Variants in SNX4 observed in about 807,000 individuals in gnomAD.
SNX4 encodes sorting nexin-4.
SNX4 carries 49 observed loss-of-function variants against 70.8 expected under a neutral mutation model. The ratio of observed to expected loss-of-function variants is 0.69; its 90% CI spans 0.55 to 0.88. The LOEUF is 0.88. SNX4 is among the 40% of genes least tolerant of loss of function. The pLI, the probability that SNX4 is intolerant of heterozygous loss-of-function variation, is 0.00. For missense variants in SNX4, 528 were observed against 544.8 expected (o/e 0.97, Z 0.31); for synonymous variants, 206 against 183.8 (o/e 1.12, Z -0.98).
chr3:125,493,396 G>A (rs1266512843), intron 5 of SNX4, among the ~76,000 whole-genome samples: 1 of 152,142 alleles, frequency 6.6e-6, no homozygotes, highest in Non-Finnish European at 1.5e-5. Flanking sequence ...GCTCACACCT[G>A]TAATCCCAGC....
chr3:125,469,067 T>TC (rs966984051), intron 9 of SNX4, among the ~76,000 whole-genome samples: 8 of 152,182 alleles, frequency 5.3e-5, no homozygotes, highest in Non-Finnish European at 1.0e-4. Flanking sequence ...CTTGCCTTTT[T>TC]CTTGACCTTA....
intron 1 of SNX4, among the ~76,000 whole-genome samples, chr3:125,511,277 A>G (rs1010409292): frequency 6.7e-6 from 1 of 149,500 alleles, no homozygotes; most frequent in African/African-American, 2.5e-5. Context: ...CTCAATATTG[A>G]TATCTAATTT....
In SNX4 at chr3:125,492,173, C is replaced by G. The variant is rs527677009; in HGVS notation, c.598-2710G>C. On this transcript the variant is annotated intron_variant, in intron 5 of 13. Transcript: ENST00000251775. ...TAAAAAGGCACAGTGTGAAGGTGGC[C>G]CTTGGACTGTACAAAGGCTGCTGTG... Among the ~76,000 whole-genome samples, 3 of 151,366 alleles carry G rather than the reference C, an allele frequency of 2.0e-5. No homozygotes were observed. The East Asian group carries it at 5.8e-4, about 29-fold the overall frequency.
chr3:125,503,208 G>C (rs961686233), intron 2 of SNX4, among the ~76,000 whole-genome samples: 6 of 152,106 alleles, frequency 3.9e-5, no homozygotes, highest in African/African-American at 1.2e-4. Flanking sequence ...CGCCCAGCTA[G>C]GTTTGGTAGT....
At chr3:125,504,958 G>A (rs899140399) in intron 1 of SNX4, among the ~76,000 whole-genome samples, 3 of 152,108 alleles carry the variant, frequency 2.0e-5, no homozygotes, top group Non-Finnish European at 4.4e-5. Context: ...AGGTATTTTA[G>A]TTATGTATGT....
intron 11 of SNX4, among the ~76,000 whole-genome samples, chr3:125,456,932 AT>A (rs769773674): frequency 1.0e-3 from 155 of 151,698 alleles, no homozygotes; most frequent in East Asian, 9.7e-4. Flanking sequence ...AAGTGCTGGG[AT>A]TACAGGTGTG....
intron 5 of SNX4, among the ~76,000 whole-genome samples, chr3:125,496,958 G>A (rs1580001976): frequency 6.6e-6 from 1 of 152,080 alleles, no homozygotes; most frequent in South Asian, 2.1e-4. Flanking sequence ...GCAACTGTCG[G>A]GGGCAGGGAT....
intron 11 of SNX4, among the ~76,000 whole-genome samples, chr3:125,454,355 T>C (rs921067695): frequency 5.3e-5 from 8 of 152,196 alleles, no homozygotes; most frequent in Non-Finnish European, 1.0e-4. Flanking sequence ...GCACGAACCC[T>C]ATTGTGAACT....
intron 11 of SNX4, among the ~76,000 whole-genome samples, chr3:125,454,232 A>G (rs1356600362): frequency 6.6e-6 from 1 of 152,230 alleles, no homozygotes; most frequent in African/African-American, 2.4e-5. Flanking sequence ...AGAGCCACGG[A>G]GTGATACCAG....
At chr3:125,458,881 T>TA (rs201539834) in intron 10 of SNX4, among the ~76,000 whole-genome samples, 1,072 of 43,242 alleles carry the variant, frequency 0.025, 63 homozygotes, top group African/African-American at 0.084. Flanking sequence ...ATGCACAAAG[T>TA]AAAAAAAAGA....
Position 125,459,118 on chromosome 3 carries a change from G to A in SNX4, c.944+1653C>T, listed in dbSNP as rs143035164. ...GTACCCAGGAGGCAGAGGTGGCAGT[G>A]AGCAGAGATTGTGCCACTGTACTCC... On this transcript the variant is annotated intron_variant, in intron 10 of 13. Transcript: ENST00000251775. 1.1e-4 allele frequency among the ~76,000 whole-genome samples: 16 copies of A among 152,232 alleles called. No homozygotes were observed. In the East Asian group the frequency reaches 3.1e-3, roughly 29 times the overall value.
chr3:125,468,006 T>G (rs552391311), intron 9 of SNX4, among the ~76,000 whole-genome samples: 1 of 152,176 alleles, frequency 6.6e-6, no homozygotes, highest in African/African-American at 2.4e-5. Flanking sequence ...CCATGAACGG[T>G]GGACTGGATA....
chr3:125,451,246 T>C, intron 13 of SNX4, 59 bp downstream of exon 13: 1 of 1,050,222 alleles, frequency 9.5e-7, no homozygotes, highest in Non-Finnish European at 1.3e-6. Context: ...GTAATTTAAA[T>C]ACATGTATAA....
intron 2 of SNX4, among the ~76,000 whole-genome samples, chr3:125,504,410 G>A (rs1018871349): frequency 2.0e-5 from 3 of 150,790 alleles, no homozygotes; most frequent in African/African-American, 7.3e-5. Context: ...GGTGACCCCA[G>A]GAGTTTGAGG....
In SNX4 at chr3:125,511,585, A is replaced by C. The variant is rs560090534; in HGVS notation, c.142-6841T>G. 4.6e-5 allele frequency among the ~76,000 whole-genome samples: 7 copies of C among 152,350 alleles called. No homozygotes were observed. In the South Asian group the frequency reaches 1.4e-3, roughly 32 times the overall value. ...GCAGACCCTAGGCCATATGTTTCAGAAAGTGCATCACTGCAGAAAGGTTTC... is the reference window on the plus strand; with the variant it reads ...GCAGACCCTAGGCCATATGTTTCAGCAAGTGCATCACTGCAGAAAGGTTTC... On this transcript the variant is annotated intron_variant, in intron 1 of 13. Transcript: ENST00000251775.
chr3:125,448,776 C>T (rs572075277), intron 13 of SNX4, among the ~76,000 whole-genome samples: 1 of 148,414 alleles, frequency 6.7e-6, no homozygotes, highest in Admixed American at 6.8e-5. Context: ...CCCGGGTTCA[C>T]ACCATTCTAC....
At chr3:125,511,501 C>T (rs1022284282) in intron 1 of SNX4, among the ~76,000 whole-genome samples, 2 of 152,084 alleles carry the variant, frequency 1.3e-5, no homozygotes, top group Non-Finnish European at 1.5e-5. Context: ...CTTTCTTTTC[C>T]CACTAGAATA....
intron 5 of SNX4, among the ~76,000 whole-genome samples, chr3:125,490,287 C>A (rs1450210144): frequency 6.6e-6 from 1 of 152,030 alleles, no homozygotes; most frequent in Non-Finnish European, 1.5e-5. Flanking sequence ...GTAATCCCAG[C>A]ACTTTGGGAG....
rs1405829155 is a variant in SNX4, at chr3:125,484,301, C to T, written c.654-3982G>A. 2.4e-4 allele frequency among the ~76,000 whole-genome samples: 36 copies of T among 152,220 alleles called. 1 individual carries two copies. Among genetic ancestry groups the T allele is most frequent in the Admixed American group, 2.4e-3 (36 of 15,282 alleles). On this transcript the variant is annotated intron_variant, in intron 6 of 13. Coordinates refer to ENST00000251775, the MANE Select transcript of SNX4 (RefSeq NM_003794.4). ...AAGGGGTCTAGTTCTATCACCCAGCCTGGAGTGCAGTGGCACGATCTTGGC... is the reference window on the plus strand; with the variant it reads ...AAGGGGTCTAGTTCTATCACCCAGCTTGGAGTGCAGTGGCACGATCTTGGC...
Sources: allele counts gnomAD v4.1 joint callset (sites outside exome capture counted in the v4.1 genomes callset), GRCh38; gene constraint gnomAD v4.1.1; transcripts MANE v1.5; gene names NCBI Gene and HGNC (gene_info 2026-07-23, HGNC 2026-07-21).